Variants in MAP2K5 observed in about 807,000 individuals in gnomAD.
The protein encoded by MAP2K5 is dual specificity mitogen-activated protein kinase kinase 5.
Under a neutral mutation model 83.1 loss-of-function variants are expected in MAP2K5, and 49 were observed. The observed-to-expected ratio is 0.59, with a 90% CI of 0.47 to 0.75. The LOEUF (loss-of-function observed/expected upper bound fraction) is 0.75. MAP2K5 is among the 30% of genes least tolerant of loss of function. The pLI is 0.00. For missense variants in MAP2K5, 457 were observed against 557.5 expected, an observed-to-expected ratio of 0.82 and a Z score of 1.82; for synonymous variants, 202 against 191.8, an observed-to-expected ratio of 1.05 and a Z score of -0.44.
At position 67,781,640 on chromosome 15, in the gene MAP2K5, A is replaced by G. The variant is rs2090330582; in HGVS notation, c.1242+8888A>G. Among the ~76,000 whole-genome samples the G allele has an allele frequency of 6.6e-6, 1 of 152,198 alleles. No individual in the cohort carries two copies. The highest frequency in any genetic ancestry group is 2.4e-5 in the African/African-American group (1 of 41,442). On this transcript the variant is annotated intron_variant, in intron 21 of 21. Transcript: ENST00000178640. The surrounding 1 kb of genome is among the most constrained non-coding windows in gnomAD (Gnocchi z 4.0). ...TTTACCGTTTCTCTGGTCTCTTCAT[A>G]TAAATGGTCACTGATTCTGAAGTAG...
intron 8 of MAP2K5, among the ~76,000 whole-genome samples, chr15:67,622,958 C>T (rs1185075661): frequency 1.3e-5 from 2 of 152,006 alleles, no homozygotes; most frequent in South Asian, 2.1e-4. Context: ...CAAAATTAGC[C>T]GGGCATGGTG....
chr15:67,617,628 G>A (rs1321803606), intron 8 of MAP2K5, among the ~76,000 whole-genome samples: 2 of 152,150 alleles, frequency 1.3e-5, no homozygotes, highest in Non-Finnish European at 2.9e-5. Context: ...GTGAACACAG[G>A]TTGTTTCTCC....
At chr15:67,745,435 C>T (rs546016271) in intron 17 of MAP2K5, among the ~76,000 whole-genome samples, 1 of 152,328 alleles carries the variant, frequency 6.6e-6, no homozygotes, top group Non-Finnish European at 1.5e-5. Context: ...TTTTCATGAA[C>T]TGTGTGCAAA....
intron 12 of MAP2K5, among the ~76,000 whole-genome samples, chr15:67,662,543 T>C (rs1159966021): frequency 6.6e-6 from 1 of 152,164 alleles, no homozygotes; most frequent in Non-Finnish European, 1.5e-5. Flanking sequence ...TTGAAATTGG[T>C]AAGTTCACGC....
Position 67,755,141 on chromosome 15 carries a change from AT to A in MAP2K5, c.1134+6547del, listed in dbSNP as rs1477911745. Among the ~76,000 whole-genome samples, 3 of 151,678 alleles carry A rather than the reference AT, an allele frequency of 2.0e-5. No individual in the cohort carries two copies. The highest frequency in any genetic ancestry group is 2.9e-5 in the Non-Finnish European group (2 of 67,906). On this transcript the variant is annotated intron_variant, in intron 19 of 21. Transcript: ENST00000178640. This position sits in a 1 kb window ranked among gnomAD's most constrained non-coding sequence, Gnocchi z 4.7. ...AGGTGTGCACCACCACGCCCAGCTA[AT>A]TTTTTTGTGTGTTTTTAGTAGAGAT...
intron 4 of MAP2K5, among the ~76,000 whole-genome samples, 181 bp downstream of exon 4, chr15:67,581,004 C>G (rs189318886): frequency 3.4e-4 from 52 of 152,238 alleles, no homozygotes; most frequent in Non-Finnish European, 6.5e-4. Context: ...GATAAAATAT[C>G]TAATTTACTA....
intron 2 of MAP2K5, among the ~76,000 whole-genome samples, chr15:67,554,550 T>C (rs1366064297): frequency 2.0e-5 from 3 of 152,176 alleles, no homozygotes; most frequent in Non-Finnish European, 4.4e-5. Flanking sequence ...CAGGTAATGT[T>C]ACAGATTCTC....
chr15:67,720,865 G>A lies in MAP2K5; in HGVS notation c.1045-7051G>A, dbSNP rs2088943857. 1.3e-5 allele frequency among the ~76,000 whole-genome samples: 2 copies of A among 152,162 alleles called. No individual in the cohort carries two copies. Among genetic ancestry groups the A allele is most frequent in the Non-Finnish European group, 2.9e-5 (2 of 68,034 alleles). Reference sequence around the variant, plus strand: ...GCACTGGGATATAACCCTATATTAGGTGAAGATTGTGAACTAAGCTGCAAT... The same window carrying A: ...GCACTGGGATATAACCCTATATTAGATGAAGATTGTGAACTAAGCTGCAAT... On this transcript the variant is annotated intron_variant, in intron 16 of 21. Transcript: ENST00000178640. The surrounding 1 kb of genome is among the most constrained non-coding windows in gnomAD (Gnocchi z 5.7).
chr15:67,679,591 T>C (rs780175781), intron 13 of MAP2K5: 2 of 152,190 alleles, frequency 1.3e-5, no homozygotes, highest in African/African-American at 4.8e-5. Flanking sequence ...ATATTTGTAA[T>C]TGCGGTTTAT....
chr15:67,800,828 C>T (rs1423006906), intron 21 of MAP2K5, among the ~76,000 whole-genome samples: 1 of 152,038 alleles, frequency 6.6e-6, no homozygotes. Flanking sequence ...ACCAGTGCAC[C>T]ACAGCAGCCC....
At chr15:67,600,610 G>A in intron 7 of MAP2K5, 75 bp from the exon 8 acceptor site, 1 of 1,141,092 alleles carries the variant, frequency 8.8e-7, no homozygotes, top group African/African-American at 1.6e-5. Flanking sequence ...GTTGTTTATG[G>A]CCCAGAGTTG....
rs1238351337 is a variant in MAP2K5 at position 67,646,262 on chromosome 15, A to G, written c.617A>G (p.Gln206Arg). ...CTACTAGATATTACACTGGAACTTC[A>G]GAAGCAAATTATGTCTGAATTGGAA... Reference protein sequence around the residue: ...VILLDITLELQKQIMSELEIL... With the variant: ...VILLDITLELRKQIMSELEIL... Residue 206 changes from glutamine (Q) to arginine (R), a missense_variant, in exon 10 of 22, where the codon CAG (glutamine) becomes CGG (arginine). Gln to Arg is a conservative substitution (Grantham distance 43, BLOSUM62 1). Around this residue, in one of 3 missense-constraint regions of MAP2K5, gnomAD observed 168 missense variants for 263.0 expected, o/e 0.64. Coordinates refer to ENST00000178640, the MANE Select transcript of MAP2K5 (RefSeq NM_145160.3). 3.5e-6 allele frequency: 5 copies of G among 1,439,826 alleles called. No homozygotes were observed. In the Admixed American group the frequency reaches 8.9e-5, roughly 26 times the overall value. The allele number at this position is 1,439,826 out of a possible 1,614,324, so 89.2% of individuals were successfully genotyped here. A position where few individuals can be genotyped will look rare whatever the true frequency, so the allele number is the denominator to read the frequency against.
chr15:67,595,805 T>C (rs1186159400), intron 7 of MAP2K5, among the ~76,000 whole-genome samples: 1 of 152,214 alleles, frequency 6.6e-6, no homozygotes, highest in Non-Finnish European at 1.5e-5. Flanking sequence ...ATGTGTTTTC[T>C]GGATTTGTTT....
At chr15:67,583,903 C>T (rs576094966) in intron 4 of MAP2K5, among the ~76,000 whole-genome samples, 133 of 152,078 alleles carry the variant, frequency 8.7e-4, no homozygotes, top group Non-Finnish European at 1.6e-3. Context: ...TGTGCCACCA[C>T]GCTGGGCATT....
intron 8 of MAP2K5, among the ~76,000 whole-genome samples, chr15:67,623,845 C>T (rs1229886394): frequency 6.6e-6 from 1 of 151,902 alleles, no homozygotes; most frequent in Non-Finnish European, 1.5e-5. Context: ...GATACGCCCA[C>T]CTGGGCCTCC....
chr15:67,658,779 A>T (rs2087156004), intron 12 of MAP2K5, 165 bp downstream of exon 12: 5 of 657,428 alleles, frequency 7.6e-6, no homozygotes. Context: ...AGACCAGCCC[A>T]CCCAACATCA....
intron 8 of MAP2K5, chr15:67,628,550 A>G: frequency 2.0e-6 from 2 of 997,406 alleles, no homozygotes; most frequent in East Asian, 2.4e-5. Context: ...TTTGAATAAT[A>G]TGGAAAAATT....
intron 14 of MAP2K5, among the ~76,000 whole-genome samples, chr15:67,693,233 A>G (rs552293343): frequency 1.3e-5 from 2 of 152,358 alleles, no homozygotes; most frequent in Admixed American, 6.5e-5. Flanking sequence ...GACTTTTTAT[A>G]TCAGGCGGGT....
rs1596866170 is a variant in MAP2K5 at position 67,727,501 on chromosome 15, C to G, written c.1045-415C>G. ...TGTCCATTCCCCACTTCCTACTACC[C>G]TCCATTTATACTTGTAACTGAAAAT... On this transcript the variant is annotated intron_variant, in intron 16 of 21. Transcript: ENST00000178640. Among the ~76,000 whole-genome samples the G allele has an allele frequency of 2.0e-5, 3 of 152,172 alleles. No homozygotes were observed. In the East Asian group the frequency reaches 5.8e-4, roughly 29 times the overall value.
Sources: allele counts gnomAD v4.1 joint callset (sites outside exome capture counted in the v4.1 genomes callset), GRCh38; gene constraint gnomAD v4.1.1; regional missense constraint gnomAD v4.1.1; non-coding constraint Gnocchi (gnomAD v3.1); transcripts MANE v1.5; gene names NCBI Gene and HGNC (gene_info 2026-07-23, HGNC 2026-07-21).